Variants in FUT8 observed in about 807,000 individuals in gnomAD.
FUT8 encodes the protein alpha-(1,6)-fucosyltransferase.
A neutral mutation model predicts 71.3 loss-of-function variants in FUT8; 29 were observed. The ratio of observed to expected loss-of-function variants is 0.41; its 90% confidence interval spans 0.30 to 0.55. The LOEUF (loss-of-function observed/expected upper bound fraction) is 0.55, where lower values mean the gene tolerates loss of function less well. Ranked by LOEUF, FUT8 falls within the 20% of genes least tolerant of loss-of-function variation. The pLI, the probability that FUT8 is intolerant of heterozygous loss-of-function variation, is 0.34. For synonymous variants in FUT8, 254 were observed against 239.3 expected (o/e 1.06, Z -0.57); for missense variants, 544 against 702.1 (o/e 0.77, Z 2.55).
the FUT8 span, among the ~76,000 whole-genome samples, chr14:65,376,068 G>C: frequency 3.3e-5 from 5 of 151,486 alleles, no homozygotes; most frequent in African/African-American, 7.3e-5. Context: ...TCCAGCCTGG[G>C]TGTCAGAGTG....
the FUT8 span, among the ~76,000 whole-genome samples, chr14:65,379,736 A>G: frequency 3.9e-5 from 6 of 152,290 alleles, no homozygotes; most frequent in East Asian, 1.2e-3. Context: ...ACAGGATACC[A>G]TGGACTGAGT....
At chr14:65,414,232 C>T (rs781542954) in intron 1 of FUT8, among the ~76,000 whole-genome samples, 1 of 152,152 alleles carries the variant, frequency 6.6e-6, no homozygotes, top group African/African-American at 2.4e-5. Flanking sequence ...ACTGACTTAA[C>T]TGGCTTGCCT....
chr14:65,495,664 A>G (rs1398294127), intron 2 of FUT8, among the ~76,000 whole-genome samples: 1 of 152,210 alleles, frequency 6.6e-6, no homozygotes, highest in Non-Finnish European at 1.5e-5. Flanking sequence ...AGGTTAAAAT[A>G]CAAGTTTTCT....
rs1011145803 is a variant in FUT8 at position 65,744,073 on chromosome 14, A to T, written c.*1663A>T. 5 of 151,960 alleles carry T rather than the reference A, an allele frequency of 3.3e-5. No individual in the cohort carries two copies. Among genetic ancestry groups the T allele is most frequent in the African/African-American group, 1.2e-4 (5 of 41,422 alleles). The allele number at this position is 151,960 out of a possible 1,614,324, so 9.4% of individuals were successfully genotyped here. A position where few individuals can be genotyped will look rare whatever the true frequency, so the allele number is the denominator to read the frequency against. ...GAAATTAACTTCCTACAGTGTCAGC[A>T]AGCAATTTTCCATTTAGTTTTGGTA... On this transcript the variant is annotated 3_prime_UTR_variant, in exon 11 of 11. Coordinates refer to ENST00000673929, the MANE Select transcript of FUT8 (RefSeq NM_001371533.1).
chr14:65,507,104 T>C (rs1038581317), intron 2 of FUT8, among the ~76,000 whole-genome samples: 9 of 152,174 alleles, frequency 5.9e-5, no homozygotes, highest in African/African-American at 1.9e-4. Flanking sequence ...TTGTGGACTT[T>C]CCAAGTAAAA....
intron 6 of FUT8, among the ~76,000 whole-genome samples, chr14:65,634,681 T>C (rs1006740550): frequency 3.3e-5 from 5 of 152,158 alleles, no homozygotes; most frequent in Non-Finnish European, 5.9e-5. Context: ...TTCTGTTGCA[T>C]TGGTCTATGT....
Position 65,495,594 on chromosome 14 carries a change from T to A in FUT8, c.-228+39876T>A, listed in dbSNP as rs182638708. Among the ~76,000 whole-genome samples the A allele has an allele frequency of 1.1e-4, 16 of 152,304 alleles. No individual in the cohort carries two copies. The East Asian group carries it at 2.5e-3, about 24-fold the overall frequency. The stretch of plus-strand genomic sequence containing the variant: ...TTAATTTTTAAAAATCTTAGCTATT[T>A]GTAGGGTTTAAAAAACTAAACAACA... On this transcript the variant is annotated intron_variant, in intron 2 of 10. Coordinates refer to ENST00000673929, the MANE Select transcript of FUT8 (RefSeq NM_001371533.1).
the FUT8 span, among the ~76,000 whole-genome samples, chr14:65,405,407 A>T: frequency 6.6e-6 from 1 of 152,218 alleles, no homozygotes. Context: ...GGGAGCTTAC[A>T]TATAGTTAGT....
At chr14:65,384,486 T>A in the FUT8 span, among the ~76,000 whole-genome samples, 1 of 152,212 alleles carries the variant, frequency 6.6e-6, no homozygotes. The surrounding 1 kb of genome is among the most constrained non-coding windows in gnomAD (Gnocchi z 4.2). Flanking sequence ...TTATGTAAAG[T>A]CTTCCACCAT....
At chr14:65,621,793 T>C (rs1254348868) in intron 5 of FUT8, among the ~76,000 whole-genome samples, 1 of 152,036 alleles carries the variant, frequency 6.6e-6, no homozygotes, top group Non-Finnish European at 1.5e-5. Context: ...ACTCCTGATC[T>C]CAGGTGATCC....
intron 2 of FUT8, among the ~76,000 whole-genome samples, chr14:65,554,435 A>T (rs981214271): frequency 7.1e-6 from 1 of 141,710 alleles, no homozygotes; most frequent in Admixed American, 7.3e-5. Flanking sequence ...TATATATATT[A>T]TATATATATA....
chr14:65,373,879 T>G, the FUT8 span, among the ~76,000 whole-genome samples: 13 of 152,136 alleles, frequency 8.5e-5, no homozygotes, highest in African/African-American at 3.1e-4. Context: ...CTGTGCCAGA[T>G]CTCCCTCTCC....
At chr14:65,399,512 G>A in the FUT8 span, among the ~76,000 whole-genome samples, 10,338 of 152,106 alleles carry the variant, frequency 0.068, 640 homozygotes, top group South Asian at 0.21. Flanking sequence ...AGACTTAGTT[G>A]TTGGATCACT....
chr14:65,571,359 A>G (rs1886467174), intron 3 of FUT8, among the ~76,000 whole-genome samples: 2 of 152,164 alleles, frequency 1.3e-5, no homozygotes, highest in Non-Finnish European at 2.9e-5. Flanking sequence ...GGAATCATGC[A>G]CATAGCAGTG....
chr14:65,396,856 A>G, the FUT8 span, among the ~76,000 whole-genome samples: 1 of 152,194 alleles, frequency 6.6e-6, no homozygotes, highest in Non-Finnish European at 1.5e-5. The surrounding 1 kb of genome is among the most constrained non-coding windows in gnomAD (Gnocchi z 5.5). Flanking sequence ...ATTTTAAGAG[A>G]TGGAGTCTTG....
At position 65,742,271 on chromosome 14, in the gene FUT8, G is replaced by A; in HGVS notation, c.1589G>A (p.Gly530Asp). ...EIPMEPGDIIGVAGNHWDGYS... is the reference protein window; with the variant it reads ...EIPMEPGDIIDVAGNHWDGYS... ...CCCATGGAACCTGGAGATATCATTGGTGTGGCTGGAAATCATTGGGATGGC... is the reference window on the plus strand; with the variant it reads ...CCCATGGAACCTGGAGATATCATTGATGTGGCTGGAAATCATTGGGATGGC... The change falls in exon 11 of 11, where the codon GGT (glycine) becomes GAT (aspartate). Residue 530 changes from glycine to aspartate, a missense_variant. Coordinates refer to ENST00000673929, the MANE Select transcript of FUT8 (RefSeq NM_001371533.1). 4 of 1,613,086 alleles carry A rather than the reference G, an allele frequency of 2.5e-6. No individual in the cohort carries two copies. The highest frequency in any genetic ancestry group is 2.5e-6 in the Non-Finnish European group (3 of 1,179,362).
At position 65,479,856 on chromosome 14, in the gene FUT8, G is replaced by T. The variant is rs2066302173; in HGVS notation, c.-228+24138G>T. The T allele has an allele frequency of 2.6e-5, 4 of 152,046 alleles. No homozygotes were observed. In the South Asian group the frequency reaches 6.2e-4, roughly 24 times the overall value. The allele number at this position is 152,046 out of a possible 1,614,324, so 9.4% of individuals were successfully genotyped here. On this transcript the variant is annotated intron_variant, in intron 2 of 10. Transcript: ENST00000673929. ...GTTAAATGTATCATAGATCTGCAAG[G>T]TTTTTTTAATTCATATTTTTTATCT...
chr14:65,531,645 G>A (rs977445076), intron 2 of FUT8, among the ~76,000 whole-genome samples: 1 of 152,106 alleles, frequency 6.6e-6, no homozygotes, highest in South Asian at 2.1e-4. Context: ...AGGTTCAGAG[G>A]TATCTGTACA....
chr14:65,713,632 T>C (rs1392088811), intron 7 of FUT8, among the ~76,000 whole-genome samples: 1 of 152,226 alleles, frequency 6.6e-6, no homozygotes, highest in African/African-American at 2.4e-5. Flanking sequence ...TGATGATCAT[T>C]GATGCTGAGC....
Sources: gnomAD v4.1 joint callset for allele counts (sites outside exome capture counted in the v4.1 genomes callset) on GRCh38, gnomAD v4.1.1 for gene constraint, Gnocchi (gnomAD v3.1) non-coding constraint, MANE v1.5 for transcripts, NCBI Gene and HGNC (gene_info 2026-07-23, HGNC 2026-07-21) for gene names.